ALDH1L1: variants seen among roughly 807,000 people sequenced by gnomAD.
ALDH1L1 encodes the protein aldehyde dehydrogenase 1 family member L1.
ALDH1L1 carries 68 observed loss-of-function variants against 101.1 expected under a neutral mutation model. The ratio of observed to expected loss-of-function variants is 0.67; its 90% CI spans 0.55 to 0.82. ALDH1L1 has a LOEUF of 0.82. ALDH1L1 is among the 40% of genes least tolerant of loss of function. ALDH1L1 has a pLI of 0.00. For missense variants in ALDH1L1, 1,087 were observed against 1,172.7 expected, an observed-to-expected ratio of 0.93 and a Z score of 1.07; for synonymous variants, 486 against 470.8, an observed-to-expected ratio of 1.03 and a Z score of -0.42.
At chr3:126,117,240 A>G (rs1576419864) in intron 17 of ALDH1L1, among the ~76,000 whole-genome samples, 1 of 125,744 alleles carries the variant, frequency 8.0e-6, no homozygotes, top group Non-Finnish European at 1.6e-5. Flanking sequence ...GACTCCATTG[A>G]AAAAAAAAAA....
intron 1 of ALDH1L1, among the ~76,000 whole-genome samples, chr3:126,170,812 A>G (rs1035365813): frequency 2.0e-5 from 3 of 152,116 alleles, no homozygotes; most frequent in Non-Finnish European, 4.4e-5. Flanking sequence ...TCTTCTAACT[A>G]CAAGCAGCCA....
chr3:126,115,628 T>C (rs2079948770), intron 17 of ALDH1L1: 1 of 152,558 alleles, frequency 6.6e-6, no homozygotes, highest in Non-Finnish European at 1.5e-5. Flanking sequence ...CCGGCTGGGG[T>C]GCAATGGCAT....
chr3:126,137,024 G>T, intron 10 of ALDH1L1, 141 bp from the exon 11 acceptor site: 1 of 1,280,282 alleles, frequency 7.8e-7, no homozygotes, highest in Non-Finnish European at 1.1e-6. Context: ...GCTGAGCAGG[G>T]GAGAGACAAA....
At chr3:126,182,958 TA>T (rs2081489295), upstream of ALDH1L1, among the ~76,000 whole-genome samples, 1 of 152,128 alleles carries the variant, frequency 6.6e-6, no homozygotes, top group South Asian at 2.1e-4. Flanking sequence ...GATTGTTAAA[TA>T]AAAAGGAACC....
At chr3:126,191,167 A>T (rs549441818) in intron 1 of ALDH1L1, among the ~76,000 whole-genome samples, 2 of 152,210 alleles carry the variant, frequency 1.3e-5, no homozygotes, top group African/African-American at 4.8e-5. Flanking sequence ...AACAGCTTAG[A>T]TGGAGATTGG....
intron 13 of ALDH1L1, among the ~76,000 whole-genome samples, chr3:126,130,637 G>T (rs1207282428): frequency 6.6e-6 from 1 of 152,220 alleles, no homozygotes; most frequent in African/African-American, 2.4e-5. Context: ...GCCTTGGGGG[G>T]TCCAGCTGCA....
intron 12 of ALDH1L1, among the ~76,000 whole-genome samples, chr3:126,133,624 T>C (rs2080359557): frequency 6.6e-6 from 1 of 152,342 alleles, no homozygotes; most frequent in African/African-American, 2.4e-5. Flanking sequence ...GACTATTCTA[T>C]TGTTAATTCA....
At chr3:126,146,302 C>A (rs1417589962) in intron 9 of ALDH1L1, among the ~76,000 whole-genome samples, 2 of 152,156 alleles carry the variant, frequency 1.3e-5, no homozygotes, top group African/African-American at 4.8e-5. Flanking sequence ...CTCCCGCTCT[C>A]CCTCCTGGAA....
chr3:126,192,423 A>G (rs1868136), intron 1 of ALDH1L1, among the ~76,000 whole-genome samples: 106,709 of 152,144 alleles, frequency 0.7, 38,574 homozygotes, highest in African/African-American at 0.9. Flanking sequence ...TATATCAGTA[A>G]AGGAAGAAGC....
chr3:126,115,294 A>T (rs2108195820), intron 17 of ALDH1L1: 1 of 339,902 alleles, frequency 2.9e-6, no homozygotes, highest in Non-Finnish European at 5.9e-6. Context: ...TGCTGTCCTC[A>T]GCTGGACACT....
intron 1 of ALDH1L1, among the ~76,000 whole-genome samples, chr3:126,162,972 C>A (rs2081091587): frequency 6.6e-6 from 1 of 152,208 alleles, no homozygotes; most frequent in African/African-American, 2.4e-5. Flanking sequence ...TACATGTACA[C>A]ATCTATCTTT....
At chr3:126,162,141 TTTAAAGGTA>T (rs1332752595) in intron 1 of ALDH1L1, among the ~76,000 whole-genome samples, 1 of 152,194 alleles carries the variant, frequency 6.6e-6, no homozygotes, top group Non-Finnish European at 1.5e-5. Flanking sequence ...TAGTTACCAG[TTTAAAGGTA>T]TTACAAATAG....
chr3:126,188,998 A>T (rs2081537106), intron 1 of ALDH1L1, among the ~76,000 whole-genome samples: 1 of 152,178 alleles, frequency 6.6e-6, no homozygotes, highest in Non-Finnish European at 1.5e-5. Context: ...CATATGCAAC[A>T]AAAAGCATCA....
chr3:126,130,562 G>C (rs2080280428), intron 13 of ALDH1L1, among the ~76,000 whole-genome samples: 1 of 152,232 alleles, frequency 6.6e-6, no homozygotes, highest in African/African-American at 2.4e-5. Context: ...GGGTGAGGGT[G>C]GGGGCAGGGC....
At position 126,150,809 on chromosome 3, in the gene ALDH1L1, T is replaced by C. The variant is rs971624166; in HGVS notation, c.859-278A>G. 2.3e-5 allele frequency: 7 copies of C among 309,854 alleles called. No homozygotes were observed. The East Asian group carries it at 6.4e-4, about 28-fold the overall frequency. The allele number at this position is 309,854 out of a possible 1,614,324, so 19.2% of individuals were successfully genotyped here. A position where few individuals can be genotyped will look rare whatever the true frequency, so the allele number is the denominator to read the frequency against. On this transcript the variant is annotated intron_variant, in intron 7 of 22. Coordinates refer to ENST00000393434, the MANE Select transcript of ALDH1L1 (RefSeq NM_012190.4). The stretch of plus-strand genomic sequence containing the variant: ...TCCTGACCTCATGATCCATCCACCT[T>C]GGCCTCCCAAAGTGCTGGGATTACA...
At chr3:126,171,410 AG>A (rs2081273800) in intron 1 of ALDH1L1, among the ~76,000 whole-genome samples, 1 of 152,234 alleles carries the variant, frequency 6.6e-6, no homozygotes, top group Admixed American at 6.5e-5. Flanking sequence ...ACACAGAAGC[AG>A]TCCAAGCCTC....
At chr3:126,165,625 T>G (rs2081151099) in intron 1 of ALDH1L1, among the ~76,000 whole-genome samples, 1 of 152,200 alleles carries the variant, frequency 6.6e-6, no homozygotes, top group Admixed American at 6.5e-5. Context: ...TATTCAGCAT[T>G]TCAATCTTTT....
intron 1 of ALDH1L1, among the ~76,000 whole-genome samples, chr3:126,186,748 G>C (rs1455782546): frequency 6.6e-6 from 1 of 152,190 alleles, no homozygotes; most frequent in Non-Finnish European, 1.5e-5. Flanking sequence ...CAAGCACCAG[G>C]CCCCGTGAAG....
chr3:126,121,259 G>A lies in ALDH1L1; in HGVS notation c.1888+3105C>T, dbSNP rs115144880. Among the ~76,000 whole-genome samples, 828 of 152,336 alleles carry A rather than the reference G, an allele frequency of 5.4e-3. 8 individuals are homozygous for A. The highest frequency in any genetic ancestry group is 0.018 in the African/African-American group (757 of 41,574). On this transcript the variant is annotated intron_variant, in intron 16 of 22. Transcript: ENST00000393434. ...CTTCCATCCAGACTCGTAGCCTCCA[G>A]AGCTGCGCGGCGCTGCCTTGCAGTG... is the stretch of plus-strand genomic sequence containing the variant.
Sources: gnomAD v4.1 joint callset for allele counts (sites outside exome capture counted in the v4.1 genomes callset) on GRCh38, gnomAD v4.1.1 for gene constraint, MANE v1.5 for transcripts, NCBI Gene and HGNC (gene_info 2026-07-23, HGNC 2026-07-21) for gene names.